ANKRD30B: variants seen among roughly 807,000 people sequenced by gnomAD.
The protein encoded by ANKRD30B is ankyrin repeat domain 30B.
In ANKRD30B, 144 loss-of-function variants were observed where a neutral mutation model predicts 202.2. The observed-to-expected ratio is 0.71, with a 90% confidence interval of 0.62 to 0.82. The LOEUF is 0.82. Ranked by LOEUF, ANKRD30B falls within the 40% of genes least tolerant of loss-of-function variation. The probability of loss-of-function intolerance (pLI) is 0.00; values close to 1 mark genes in which losing one functional copy is unlikely to be tolerated. For synonymous variants in ANKRD30B, 508 were observed against 561.3 expected (o/e 0.91, Z 1.34); for missense variants, 1,487 against 1,669.1 (o/e 0.89, Z 1.90).
chr18:14,795,871 G>A (rs1166451441), intron 16 of ANKRD30B, among the ~76,000 whole-genome samples: 4 of 149,516 alleles, frequency 2.7e-5, no homozygotes, highest in South Asian at 2.1e-4. Flanking sequence ...TTTTTTTGGC[G>A]GTGGGTCATG....
chr18:14,874,893 A>G, the ANKRD30B span, among the ~76,000 whole-genome samples: 18 of 152,306 alleles, frequency 1.2e-4, no homozygotes, highest in South Asian at 4.1e-4. Context: ...CCAAGATGAT[A>G]TTCAAGGAGT....
Position 14,772,244 on chromosome 18 carries a change from G to C in ANKRD30B, c.1329+16G>C, listed in dbSNP as rs1161961439. ...TGCTACCAAGGTAAAATGTTCTTTT[G>C]TGAAGTTGATTTTCTCAGTTGCAAT... On this transcript the variant is annotated intron_variant, in intron 9 of 43. Coordinates refer to ENST00000690538, the MANE Select transcript of ANKRD30B (RefSeq NM_001367607.2). 6.9e-7 allele frequency: 1 copy of C among 1,459,198 alleles called. No individual in the cohort carries two copies. Among genetic ancestry groups the C allele is most frequent in the African/African-American group, 1.4e-5 (1 of 70,740 alleles). The allele number at this position is 1,459,198 out of a possible 1,614,324, so 90.4% of individuals were successfully genotyped here.
At chr18:14,779,797 A>C (rs1347230808) in intron 10 of ANKRD30B, among the ~76,000 whole-genome samples, 163 bp from the exon 11 acceptor site, 2 of 152,224 alleles carry the variant, frequency 1.3e-5, no homozygotes, top group Non-Finnish European at 2.9e-5. Context: ...TTAAGATTGT[A>C]GTTCTAACCA....
chr18:14,765,468 AAAAAAAG>A lies in ANKRD30B; in HGVS notation c.1225+1384_1225+1390del, dbSNP rs934156177. Among the ~76,000 whole-genome samples the A allele has an allele frequency of 7.2e-5, 11 of 152,168 alleles. No individual in the cohort carries two copies. The East Asian group carries it at 1.5e-3, about 21-fold the overall frequency. On this transcript the variant is annotated intron_variant, in intron 7 of 43. Coordinates refer to ENST00000690538, the MANE Select transcript of ANKRD30B (RefSeq NM_001367607.2). ...ACAGAGCAACACTCCATCTGAAAAA[AAAAAAAG>A]AAAAAGAAAAAGAAAAAGAAATATG... is the stretch of plus-strand genomic sequence containing the variant.
At chr18:14,868,399 A>T in the ANKRD30B span, among the ~76,000 whole-genome samples, 1 of 152,254 alleles carries the variant, frequency 6.6e-6, no homozygotes, top group African/African-American at 2.4e-5. Flanking sequence ...TTTGTTCTTA[A>T]CAGAATTTAG....
chr18:14,927,343 A>G, the ANKRD30B span, among the ~76,000 whole-genome samples: 1 of 152,224 alleles, frequency 6.6e-6, no homozygotes, highest in Admixed American at 6.5e-5. Context: ...CACATGCCCT[A>G]TGTGCAGATG....
Position 14,769,345 on chromosome 18 carries a change from G to T in ANKRD30B, c.1228G>T (p.Asp410Tyr). 2 of 1,541,006 alleles carry T rather than the reference G, an allele frequency of 1.3e-6. No individual in the cohort carries two copies. The highest frequency in any genetic ancestry group is 2.5e-5 in the East Asian group (1 of 40,700). ...ATTTTACTTTTTTTCTTTAATAGTG[G>T]ATGTGAGTTCTGTAGAGCCTATATT... is the stretch of plus-strand genomic sequence containing the variant. ...ETSTKASTNV[D>Y]VSSVEPIFSL... is the part of the protein sequence containing the mutation. The change falls in exon 8 of 44, where the codon GAT becomes TAT. Residue 410 changes from aspartate to tyrosine, a missense_variant and splice_region_variant. This residue lies in a region of ANKRD30B where 889 missense variants were observed against 841.4 expected (regional missense o/e 1.06). Coordinates refer to ENST00000690538, the MANE Select transcript of ANKRD30B (RefSeq NM_001367607.2).
the ANKRD30B span, among the ~76,000 whole-genome samples, chr18:14,936,619 C>T: frequency 6.6e-6 from 1 of 152,158 alleles, no homozygotes; most frequent in Non-Finnish European, 1.5e-5. Context: ...GTGAGGGAGA[C>T]TCACAGGCAA....
the ANKRD30B span, among the ~76,000 whole-genome samples, chr18:14,860,490 C>T: frequency 7.0e-6 from 1 of 142,688 alleles, no homozygotes; most frequent in Admixed American, 7.2e-5. Flanking sequence ...CTCCTCACCT[C>T]CCAGATGGGG....
the ANKRD30B span, among the ~76,000 whole-genome samples, chr18:14,868,311 C>T: frequency 6.6e-6 from 1 of 152,284 alleles, no homozygotes; most frequent in Non-Finnish European, 1.5e-5. Context: ...AAGGAGGAGT[C>T]CTCCCCCTTC....
At chr18:14,928,441 C>T in the ANKRD30B span, among the ~76,000 whole-genome samples, 1 of 152,166 alleles carries the variant, frequency 6.6e-6, no homozygotes, top group African/African-American at 2.4e-5. Flanking sequence ...TGGAATCACC[C>T]AATCAGCTGA....
chr18:14,854,972 C>A (rs890772395), downstream of ANKRD30B, among the ~76,000 whole-genome samples: 22 of 151,882 alleles, frequency 1.4e-4, no homozygotes, highest in African/African-American at 4.8e-4. Context: ...GTGGCAGGGT[C>A]ATAGGATAAT....
intron 14 of ANKRD30B, among the ~76,000 whole-genome samples, chr18:14,786,017 C>T (rs1968058509): frequency 8.1e-6 from 1 of 123,356 alleles, no homozygotes; most frequent in Non-Finnish European, 1.6e-5. Context: ...TGCAGTCCGG[C>T]CTGGGCGACA....
At chr18:14,772,115 T>C (rs1257716527) in intron 8 of ANKRD30B, 41 bp from the exon 9 acceptor site, 2 of 1,278,106 alleles carry the variant, frequency 1.6e-6, no homozygotes, top group South Asian at 3.7e-5. Context: ...TTTTTAAATA[T>C]ATGAATTTGC....
chr18:14,875,412 T>C, the ANKRD30B span, among the ~76,000 whole-genome samples: 1 of 152,136 alleles, frequency 6.6e-6, no homozygotes, highest in Admixed American at 6.5e-5. Context: ...ATCTGGACAG[T>C]GCCAGGCCAT....
chr18:14,791,646 G>T (rs569084007), intron 16 of ANKRD30B, among the ~76,000 whole-genome samples, 155 bp downstream of exon 16: 9 of 152,266 alleles, frequency 5.9e-5, no homozygotes, highest in Non-Finnish European at 8.8e-5. Context: ...CGTCTTATCA[G>T]GTGTTGGTAA....
intron 7 of ANKRD30B, among the ~76,000 whole-genome samples, chr18:14,768,647 AG>A (rs1199696346): frequency 3.3e-5 from 5 of 152,202 alleles, no homozygotes; most frequent in Non-Finnish European, 5.9e-5. Context: ...TGGTCACAGA[AG>A]TCTTCTGTTT....
At chr18:14,926,923 T>TTGTG in the ANKRD30B span, among the ~76,000 whole-genome samples, 1,066 of 147,758 alleles carry the variant, frequency 7.2e-3, 12 homozygotes, top group African/African-American at 0.023. Context: ...TGAGCAAGGG[T>TTGTG]TGTGTGTGTG....
chr18:14,809,854 G>A (rs1223890779), intron 26 of ANKRD30B, 132 bp from the exon 27 acceptor site: 1 of 896,714 alleles, frequency 1.1e-6, no homozygotes, highest in East Asian at 2.9e-5. Context: ...TAACCCAAAA[G>A]ACCCCAAAAC....
Sources: gnomAD v4.1 joint callset for allele counts (sites outside exome capture counted in the v4.1 genomes callset) on GRCh38, gnomAD v4.1.1 for gene constraint, gnomAD v4.1.1 regional missense constraint, MANE v1.5 for transcripts, NCBI Gene and HGNC (gene_info 2026-07-23, HGNC 2026-07-21) for gene names.